The following CD72 variants were observed in gnomAD, a reference collection of about 807,000 sequenced individuals.
The protein encoded by CD72 is B-cell differentiation antigen CD72.
CD72 carries 28 observed loss-of-function variants against 50.7 expected under a neutral mutation model. The observed-to-expected ratio is 0.55, with a 90% CI of 0.41 to 0.76. The LOEUF (loss-of-function observed/expected upper bound fraction) is 0.76, where lower values mean the gene tolerates loss of function less well. Among genes scored for constraint, CD72 ranks in the 30% least tolerant of loss-of-function variants. The pLI is 0.00. For missense variants in CD72, 403 were observed against 420.6 expected, an observed-to-expected ratio of 0.96 and a Z score of 0.37; for synonymous variants, 176 against 171.2, an observed-to-expected ratio of 1.03 and a Z score of -0.22.
upstream of CD72, among the ~76,000 whole-genome samples, chr9:35,620,471 CAA>C (rs1043285697): frequency 2.7e-4 from 30 of 112,824 alleles, no homozygotes; most frequent in East Asian, 5.0e-4. Context: ...GCTCCATCTC[CAA>C]AAAAAAAAAA....
intron 1 of CD72, among the ~76,000 whole-genome samples, chr9:35,642,241 T>C (rs1306728041): frequency 6.6e-6 from 1 of 152,208 alleles, no homozygotes; most frequent in African/African-American, 2.4e-5. Context: ...TATCTTTTCT[T>C]CATTGTCTGG....
chr9:35,616,116 T>G lies in CD72; in HGVS notation c.515A>C (p.Gln172Pro). ...RELAQSQEAL[Q>P]VEQRAHQAAE... The stretch of plus-strand genomic sequence containing the variant: ...CGCCTGATGAGCCCTCTGTTCCACC[T>G]GTAGTGCTTCCTGACTCTGCGCCAG... The change falls in exon 5 of 9, where the codon CAG (glutamine) becomes CCG (proline). Residue 172 changes from glutamine to proline, a missense_variant. By Grantham distance (76) the Gln-to-Pro change is moderately conservative (BLOSUM62 -1). Coordinates refer to ENST00000259633, the MANE Select transcript of CD72 (RefSeq NM_001782.3). 6.2e-7 allele frequency: 1 copy of G among 1,614,198 alleles called. No individual in the cohort carries two copies. Among genetic ancestry groups the G allele is most frequent in the Non-Finnish European group, 8.5e-7 (1 of 1,180,042 alleles).
At chr9:35,611,250 C>CAAA (rs749846765) in intron 7 of CD72, among the ~76,000 whole-genome samples, 2 of 117,206 alleles carry the variant, frequency 1.7e-5, no homozygotes, top group Non-Finnish European at 1.8e-5. Context: ...GACTCCATCT[C>CAAA]AAAAAAAAAA....
intron 1 of CD72, among the ~76,000 whole-genome samples, chr9:35,625,036 A>C (rs1232367129): frequency 6.6e-6 from 1 of 152,142 alleles, no homozygotes; most frequent in Non-Finnish European, 1.5e-5. Context: ...ATAACCCTAC[A>C]ATGGTCTCTA....
At chr9:35,617,117 C>G in intron 3 of CD72, 59 bp downstream of exon 3, 1 of 1,547,082 alleles carries the variant, frequency 6.5e-7, no homozygotes, top group Non-Finnish European at 8.7e-7. Context: ...CAGCGCCATC[C>G]GCAGCCGGGA....
At chr9:35,614,801 T>G (rs183532809) in intron 5 of CD72, among the ~76,000 whole-genome samples, 1 of 152,200 alleles carries the variant, frequency 6.6e-6, no homozygotes, top group African/African-American at 2.4e-5. Context: ...AGGAGTTCGA[T>G]ACCGGCCAGG....
chr9:35,632,263 C>T (rs1247407022), intron 1 of CD72, among the ~76,000 whole-genome samples: 1 of 148,264 alleles, frequency 6.7e-6, no homozygotes, highest in Non-Finnish European at 1.5e-5. Context: ...CTGCAAGCTC[C>T]GTCTTCCGGG....
At chr9:35,641,741 C>T (rs1823342216) in intron 1 of CD72, among the ~76,000 whole-genome samples, 1 of 152,094 alleles carries the variant, frequency 6.6e-6, no homozygotes, top group Non-Finnish European at 1.5e-5. Context: ...CTTTTGGCTT[C>T]AATATCTGCT....
At chr9:35,615,298 T>C (rs901330949) in intron 5 of CD72, among the ~76,000 whole-genome samples, 4 of 152,078 alleles carry the variant, frequency 2.6e-5, no homozygotes, top group African/African-American at 9.7e-5. Context: ...AACACCCCAG[T>C]CCCCTTAGGC....
chr9:35,636,231 A>G (rs1587908792), intron 1 of CD72, among the ~76,000 whole-genome samples: 2 of 152,162 alleles, frequency 1.3e-5, no homozygotes, highest in South Asian at 4.1e-4. Context: ...GTTTCCAGAC[A>G]TGCCCTAAAT....
intron 1 of CD72, among the ~76,000 whole-genome samples, chr9:35,635,255 G>A (rs544572361): frequency 1.1e-4 from 16 of 152,156 alleles, no homozygotes; most frequent in South Asian, 4.1e-4. Flanking sequence ...TCAGCTTAGA[G>A]AAATTTCATC....
intron 1 of CD72, among the ~76,000 whole-genome samples, chr9:35,638,782 C>T (rs1470145301): frequency 6.6e-6 from 1 of 151,638 alleles, no homozygotes; most frequent in Non-Finnish European, 1.5e-5. Flanking sequence ...AGAGCAGTTC[C>T]CCGAGAGGAC....
chr9:35,630,893 C>G (rs1179004994), intron 1 of CD72, among the ~76,000 whole-genome samples: 1 of 152,100 alleles, frequency 6.6e-6, no homozygotes, highest in African/African-American at 2.4e-5. Context: ...GCAAAACGCC[C>G]GTCTCTACAA....
intron 2 of CD72, among the ~76,000 whole-genome samples, 186 bp from the exon 3 acceptor site, chr9:35,617,433 C>T (rs1043027100): frequency 3.3e-5 from 5 of 152,144 alleles, no homozygotes; most frequent in African/African-American, 1.2e-4. Context: ...TCGGCTTCCT[C>T]CTGGGTCTCA....
At chr9:35,628,573 T>C (rs1233661329) in intron 1 of CD72, among the ~76,000 whole-genome samples, 3 of 152,256 alleles carry the variant, frequency 2.0e-5, no homozygotes, top group African/African-American at 7.2e-5. Flanking sequence ...CCATTTCTCC[T>C]CAGGCCTCAC....
chr9:35,642,448 C>T (rs1257575250), intron 1 of CD72: 1 of 152,222 alleles, frequency 6.6e-6, no homozygotes, highest in African/African-American at 2.4e-5. Flanking sequence ...GATACTAAGA[C>T]TGCTACTGCT....
At chr9:35,646,468 A>G (rs763583307) in exon 1 of CD72, 2 of 152,156 alleles carry the variant, frequency 1.3e-5, no homozygotes, top group African/African-American at 2.4e-5. Context: ...GGGTGTGGCA[A>G]GGGGGGGCCC....
intron 6 of CD72, among the ~76,000 whole-genome samples, chr9:35,612,246 G>A (rs1436451768): frequency 6.6e-6 from 1 of 152,178 alleles, no homozygotes; most frequent in African/African-American, 2.4e-5. Context: ...CCAGGAACCT[G>A]TCAAGCAGCC....
intron 1 of CD72, among the ~76,000 whole-genome samples, chr9:35,633,106 CTT>C (rs796211569): frequency 1.4e-5 from 2 of 139,084 alleles, no homozygotes; most frequent in Admixed American, 7.2e-5. Flanking sequence ...AATTTTTGTA[CTT>C]TTTTTTTTTT....
Sources: allele counts gnomAD v4.1 joint callset (sites outside exome capture counted in the v4.1 genomes callset), GRCh38; gene constraint gnomAD v4.1.1; transcripts MANE v1.5; gene names NCBI Gene and HGNC (gene_info 2026-07-23, HGNC 2026-07-21).